Variants in SATB2 observed in about 807,000 individuals in gnomAD.
SATB2 encodes SATB homeobox 2.
Under a neutral mutation model 73.4 loss-of-function variants are expected in SATB2, and 1 was observed. The ratio of observed to expected loss-of-function variants is 0.01; its 90% CI spans 0.00 to 0.06. SATB2 has a LOEUF of 0.06. SATB2 is among the 10% of genes least tolerant of loss of function. SATB2 has a pLI of 1.00. For missense variants in SATB2, 459 were observed against 945.8 expected (o/e 0.49, Z 6.75); for synonymous variants, 397 against 367.0 (o/e 1.08, Z -0.93).
chr2:199,447,065 T>G (rs1285874325), intron 2 of SATB2, among the ~76,000 whole-genome samples: 1 of 152,104 alleles, frequency 6.6e-6, no homozygotes, highest in Non-Finnish European at 1.5e-5. Flanking sequence ...CCACCTCAGG[T>G]ATCCCCACCC....
intron 3 of SATB2, among the ~76,000 whole-genome samples, chr2:199,424,813 C>T (rs1265254432): frequency 1.3e-5 from 2 of 152,112 alleles, no homozygotes; most frequent in African/African-American, 4.8e-5. Flanking sequence ...CCAAAATAGA[C>T]TTTACTTAGA....
intron 7 of SATB2, among the ~76,000 whole-genome samples, chr2:199,341,933 A>T (rs1453517405): frequency 6.6e-6 from 1 of 152,198 alleles, no homozygotes; most frequent in African/African-American, 2.4e-5. Flanking sequence ...GCAAAGTCCC[A>T]GCTTCAGCCT....
intron 3 of SATB2, among the ~76,000 whole-genome samples, chr2:199,395,247 C>T (rs1240408765): frequency 6.6e-6 from 1 of 152,078 alleles, no homozygotes; most frequent in Non-Finnish European, 1.5e-5. Context: ...TTATAATAAT[C>T]CATCAAGAAA....
chr2:199,325,306 C>T (rs941411940), intron 8 of SATB2: 10 of 152,162 alleles, frequency 6.6e-5, no homozygotes, highest in South Asian at 2.1e-4. Flanking sequence ...TTATTTTCAT[C>T]TTACAGATGA....
At chr2:199,326,852 T>C (rs1438849980) in intron 8 of SATB2, among the ~76,000 whole-genome samples, 1 of 152,128 alleles carries the variant, frequency 6.6e-6, no homozygotes, top group South Asian at 2.1e-4. Context: ...AAACAGTAAC[T>C]AAAACTCATA....
intron 10 of SATB2, among the ~76,000 whole-genome samples, chr2:199,307,830 G>A (rs1687478574): frequency 6.6e-6 from 1 of 152,104 alleles, no homozygotes. Context: ...TTTTTATCAA[G>A]AAACTGTGCC....
intron 3 of SATB2, among the ~76,000 whole-genome samples, chr2:199,393,694 T>C (rs558065269): frequency 4.6e-5 from 7 of 152,304 alleles, no homozygotes; most frequent in African/African-American, 1.7e-4. Flanking sequence ...AAAGTCAACA[T>C]TGAATTGGTT....
chr2:199,303,068 GCAGA>G (rs2105760439), intron 10 of SATB2, among the ~76,000 whole-genome samples: 1 of 152,302 alleles, frequency 6.6e-6, no homozygotes, highest in South Asian at 2.1e-4. Flanking sequence ...CTGCATCACA[GCAGA>G]CAGCTAATAG....
At chr2:199,459,932 G>T (rs1267229132), upstream of SATB2, 1 of 152,578 alleles carries the variant, frequency 6.6e-6, no homozygotes, top group African/African-American at 2.4e-5. The surrounding 1 kb of genome is among the most constrained non-coding windows in gnomAD (Gnocchi z 4.2). Flanking sequence ...GTCCCAGGAA[G>T]GAAACCTGCC....
At chr2:199,318,323 T>C (rs1016809403) in intron 9 of SATB2, among the ~76,000 whole-genome samples, 1 of 152,020 alleles carries the variant, frequency 6.6e-6, no homozygotes, top group Non-Finnish European at 1.5e-5. Flanking sequence ...AGATCAACAT[T>C]AAAGCACTTT....
intron 7 of SATB2, among the ~76,000 whole-genome samples, chr2:199,345,862 G>A (rs1688636180): frequency 6.6e-6 from 1 of 152,136 alleles, no homozygotes; most frequent in African/African-American, 2.4e-5. Flanking sequence ...GCCTGTTAAA[G>A]TTCAGAGCTC....
intron 9 of SATB2, among the ~76,000 whole-genome samples, chr2:199,313,091 T>C (rs531348073): frequency 6.6e-6 from 1 of 152,240 alleles, no homozygotes; most frequent in East Asian, 1.9e-4. Context: ...GTTAACAGTA[T>C]AGAAACAATG....
At chr2:199,397,276 G>C (rs895292601) in intron 3 of SATB2, among the ~76,000 whole-genome samples, 1 of 152,150 alleles carries the variant, frequency 6.6e-6, no homozygotes, top group Non-Finnish European at 1.5e-5. Context: ...ATGCCTAATA[G>C]AGAAAAATAG....
intron 3 of SATB2, among the ~76,000 whole-genome samples, chr2:199,432,312 T>C (rs989364454): frequency 6.6e-6 from 1 of 152,354 alleles, no homozygotes; most frequent in African/African-American, 2.4e-5. Flanking sequence ...ATTCAAGAGC[T>C]TGGGAATTTA....
chr2:199,366,519 C>A (rs1689289736), intron 6 of SATB2, among the ~76,000 whole-genome samples: 1 of 152,060 alleles, frequency 6.6e-6, no homozygotes, highest in Non-Finnish European at 1.5e-5. Context: ...GTCATGAATT[C>A]TTTGTTTTTC....
chr2:199,280,834 G>A (rs552655769), intron 10 of SATB2, among the ~76,000 whole-genome samples: 64 of 152,210 alleles, frequency 4.2e-4, no homozygotes, highest in Non-Finnish European at 6.6e-4. Flanking sequence ...CTGTGATCTC[G>A]CCCTGCCTCC....
chr2:199,305,113 GGTC>G (rs1687392270), intron 10 of SATB2, among the ~76,000 whole-genome samples: 1 of 152,158 alleles, frequency 6.6e-6, no homozygotes, highest in Non-Finnish European at 1.5e-5. Context: ...TTGATGAGGT[GGTC>G]AGGTGACCTG....
intron 3 of SATB2, among the ~76,000 whole-genome samples, chr2:199,419,072 C>T (rs1691087441): frequency 6.6e-6 from 1 of 152,164 alleles, no homozygotes; most frequent in Non-Finnish European, 1.5e-5. Context: ...CCCAGAATCA[C>T]CAGTACTACA....
rs1423097949 is a variant in SATB2, at chr2:199,272,240, C to T, written c.2173G>A (p.Ala725Thr). The change falls in exon 11 of 11, where the codon GCA (alanine) becomes ACA (threonine). Residue 725 changes from alanine to threonine, a missense_variant. Transcript: ENST00000417098. The surrounding 1 kb of genome is among the most constrained non-coding windows in gnomAD (Gnocchi z 6.7). ...CTCTGGTCAATTTCGGCAGGTGCTG[C>T]CTTGCTTTTGTCAGCATTTTCCTCC... ...AEEENADKSK[A>T]APAEIDQR The T allele has an allele frequency of 1.9e-6, 3 of 1,614,162 alleles. No homozygotes were observed. Among genetic ancestry groups the T allele is most frequent in the South Asian group, 2.2e-5 (2 of 91,090 alleles).
Sources: gnomAD v4.1 joint callset for allele counts (sites outside exome capture counted in the v4.1 genomes callset) on GRCh38, gnomAD v4.1.1 for gene constraint, Gnocchi (gnomAD v3.1) non-coding constraint, MANE v1.5 for transcripts, NCBI Gene and HGNC (gene_info 2026-07-23, HGNC 2026-07-21) for gene names.